The following CATSPERT variants were observed in gnomAD, a reference collection of about 807,000 sequenced individuals.
CATSPERT encodes the protein cation channel sperm-associated targeting subunit tau.
chr2:201,575,321 C>A, the CATSPERT span: 4 of 1,589,662 alleles, frequency 2.5e-6, no homozygotes, highest in East Asian at 2.3e-5. Context: ...CAATGAAGCA[C>A]CCTTTCTAGA....
At chr2:201,549,648 C>T in the CATSPERT span, 8 of 152,006 alleles carry the variant, frequency 5.3e-5, no homozygotes, top group Non-Finnish European at 8.8e-5. Context: ...ATACCTATTC[C>T]AGTCAGGCTT....
chr2:201,600,131 A>G, the CATSPERT span, among the ~76,000 whole-genome samples: 132,879 of 152,130 alleles, frequency 0.87, 59,122 homozygotes, highest in South Asian at 0.98. Flanking sequence ...AAAGACACAT[A>G]CACACGTATG....
chr2:201,574,356 T>C, the CATSPERT span: 1 of 1,239,420 alleles, frequency 8.1e-7, no homozygotes, highest in South Asian at 1.7e-5. Context: ...ATTTTTACCT[T>C]ACAAATCTGT....
At chr2:201,553,023 T>A in the CATSPERT span, 5 of 152,314 alleles carry the variant, frequency 3.3e-5, no homozygotes, top group African/African-American at 1.2e-4. Context: ...CGTCTACCAG[T>A]GATGATGAGA....
At chr2:201,572,769 G>GA in the CATSPERT span, among the ~76,000 whole-genome samples, 3 of 148,964 alleles carry the variant, frequency 2.0e-5, no homozygotes, top group Admixed American at 6.7e-5. Flanking sequence ...GCAGAGAAGG[G>GA]AAAAAAAAAG....
chr2:201,560,936 C>T, the CATSPERT span, among the ~76,000 whole-genome samples: 2 of 152,116 alleles, frequency 1.3e-5, no homozygotes, highest in African/African-American at 4.8e-5. Context: ...GTGCCCGCCA[C>T]CACGCCTGGC....
chr2:201,498,378 G>A, the CATSPERT span, among the ~76,000 whole-genome samples: 247 of 152,266 alleles, frequency 1.6e-3, no homozygotes, highest in Non-Finnish European at 2.2e-3. Context: ...CCCAGGGCAG[G>A]AGGAGAGGAA....
At chr2:201,609,418 C>G in the CATSPERT span, among the ~76,000 whole-genome samples, 1 of 152,158 alleles carries the variant, frequency 6.6e-6, no homozygotes, top group Non-Finnish European at 1.5e-5. Flanking sequence ...GGAAAATTCT[C>G]CATGACAGAC....
the CATSPERT span, chr2:201,556,961 C>G: frequency 6.6e-6 from 1 of 152,056 alleles, no homozygotes; most frequent in Admixed American, 6.5e-5. Context: ...CTATTACCAA[C>G]ACATATAAAG....
chr2:201,601,901 AT>A, the CATSPERT span: 1 of 1,543,062 alleles, frequency 6.5e-7, no homozygotes, highest in East Asian at 2.3e-5. Context: ...ATAGAATGAT[AT>A]TCAGGAAATA....
the CATSPERT span, among the ~76,000 whole-genome samples, chr2:201,504,220 A>G: frequency 3.3e-5 from 5 of 152,046 alleles, no homozygotes; most frequent in African/African-American, 7.2e-5. Context: ...CCTCAACCCA[A>G]TGAGATCTCC....
chr2:201,574,124 T>C, the CATSPERT span: 2 of 944,616 alleles, frequency 2.1e-6, no homozygotes, highest in Non-Finnish European at 1.5e-6. Context: ...TTTAAACAAT[T>C]GTTCAAACTG....
chr2:201,494,511 G>A, the CATSPERT span: 1 of 1,536,776 alleles, frequency 6.5e-7, no homozygotes, highest in Non-Finnish European at 8.7e-7. Flanking sequence ...TAGGATCAGG[G>A]GCTAACTTAT....
the CATSPERT span, chr2:201,557,897 C>T: frequency 7.9e-5 from 12 of 152,178 alleles, no homozygotes; most frequent in African/African-American, 2.9e-4. Context: ...ATCCATCATT[C>T]ATAACCTTAA....
At chr2:201,577,957 AC>A in the CATSPERT span, among the ~76,000 whole-genome samples, 1 of 152,208 alleles carries the variant, frequency 6.6e-6, no homozygotes, top group Non-Finnish European at 1.5e-5. Flanking sequence ...ATAGATCAAA[AC>A]ATCACATTGT....
chr2:201,516,235 G>T, the CATSPERT span, among the ~76,000 whole-genome samples: 1 of 152,162 alleles, frequency 6.6e-6, no homozygotes. Context: ...TGGTACTGCC[G>T]TCACATATTC....
the CATSPERT span, chr2:201,558,261 C>T: frequency 1.3e-5 from 2 of 152,224 alleles, no homozygotes; most frequent in African/African-American, 4.8e-5. Flanking sequence ...CTACAACTGT[C>T]TTAGTATTAT....
At chr2:201,535,177 T>C in the CATSPERT span, 1 of 984,624 alleles carries the variant, frequency 1.0e-6, no homozygotes, top group African/African-American at 1.7e-5. Context: ...TTTTGAAATT[T>C]GGGAGAGAAT....
the CATSPERT span, among the ~76,000 whole-genome samples, chr2:201,520,804 G>A: frequency 2.4e-4 from 37 of 151,732 alleles, no homozygotes; most frequent in East Asian, 4.3e-3. Flanking sequence ...CAAGAGAATC[G>A]CTTGAGTCTG....
Sources: gnomAD v4.1 joint callset for allele counts (sites outside exome capture counted in the v4.1 genomes callset) on GRCh38, gnomAD v4.1.1 for gene constraint, MANE v1.5 for transcripts, NCBI Gene and HGNC (gene_info 2026-07-23, HGNC 2026-07-21) for gene names.